Variants in CEACAM18 observed in about 807,000 individuals in gnomAD.
CEACAM18 encodes CEA cell adhesion molecule 18.
A neutral mutation model predicts 34.3 loss-of-function variants in CEACAM18; 33 were observed. The observed-to-expected ratio is 0.96, with a 90% CI of 0.73 to 1.29. The LOEUF is 1.29. Ranked by LOEUF, CEACAM18 falls within the 50% of genes most tolerant of loss-of-function variation. The pLI is 0.00. For synonymous variants in CEACAM18, 169 were observed against 180.9 expected (o/e 0.93, Z 0.53); for missense variants, 474 against 485.0 (o/e 0.98, Z 0.21).
At chr19:51,488,416 C>T (rs1990038344) in intron 5 of CEACAM18, among the ~76,000 whole-genome samples, 2 of 152,200 alleles carry the variant, frequency 1.3e-5, no homozygotes, top group South Asian at 2.1e-4. Context: ...CCATTTTACA[C>T]ATAGCAAGTA....
chr19:51,478,735 G>A, intron 1 of CEACAM18, 41 bp downstream of exon 1: 1 of 1,329,224 alleles, frequency 7.5e-7, no homozygotes. Context: ...CCAGGACTGA[G>A]GGAAGGGCAG....
chr19:51,486,055 G>T (rs541905483), intron 5 of CEACAM18, among the ~76,000 whole-genome samples: 7 of 152,162 alleles, frequency 4.6e-5, no homozygotes, highest in African/African-American at 1.7e-4. Context: ...ATTATAGTGG[G>T]AATGGCAATG....
At chr19:51,484,954 T>C (rs1989975466) in intron 4 of CEACAM18, 33 bp from the exon 5 acceptor site, 8 of 1,535,718 alleles carry the variant, frequency 5.2e-6, no homozygotes, top group Non-Finnish European at 6.1e-6. Context: ...GGGTCAATCG[T>C]GGTCCTGACC....
At chr19:51,482,546 G>C (rs1318064008) in intron 3 of CEACAM18, among the ~76,000 whole-genome samples, 1 of 152,166 alleles carries the variant, frequency 6.6e-6, no homozygotes, top group Non-Finnish European at 1.5e-5. Flanking sequence ...GGATCCAGAG[G>C]CTGCAGCTGC....
At chr19:51,481,748 G>A in intron 3 of CEACAM18, 83 bp downstream of exon 3, 5 of 1,423,944 alleles carry the variant, frequency 3.5e-6, no homozygotes, top group Non-Finnish European at 4.7e-6. Flanking sequence ...GACAGGCTGA[G>A]CTGGAGAGAG....
chr19:51,487,978 A>G (rs182552039), intron 5 of CEACAM18, among the ~76,000 whole-genome samples: 1 of 152,314 alleles, frequency 6.6e-6, no homozygotes, highest in Non-Finnish European at 1.5e-5. Context: ...CATTGCCAAA[A>G]GTTCTACCGG....
chr19:51,486,723 C>CTT (rs201510643), intron 5 of CEACAM18, among the ~76,000 whole-genome samples: 2 of 135,410 alleles, frequency 1.5e-5, no homozygotes, highest in Admixed American at 7.4e-5. Flanking sequence ...TCTTTTCTTT[C>CTT]TTTTTTTTTT....
intron 5 of CEACAM18, among the ~76,000 whole-genome samples, chr19:51,490,329 G>C (rs1483797241): frequency 6.6e-6 from 1 of 152,024 alleles, no homozygotes; most frequent in East Asian, 1.9e-4. Context: ...TCCTTCCTCA[G>C]CTTCACCCGG....
chr19:51,490,230 G>A (rs1990068589), intron 5 of CEACAM18, among the ~76,000 whole-genome samples: 1 of 152,174 alleles, frequency 6.6e-6, no homozygotes, highest in Admixed American at 6.5e-5. Flanking sequence ...ATAAGTTATA[G>A]TGCCTGGCAT....
At chr19:51,483,254 A>G (rs1388258416) in exon 4 of CEACAM18, 1 of 1,614,044 alleles carries the variant, frequency 6.2e-7, no homozygotes, top group South Asian at 1.1e-5. Context: ...CCCGTGACAC[A>G]GCTGATCATG....
chr19:51,489,456 C>A (rs748060063), intron 5 of CEACAM18, among the ~76,000 whole-genome samples: 6 of 151,994 alleles, frequency 3.9e-5, no homozygotes, highest in African/African-American at 1.5e-4. Flanking sequence ...CCAAAAGGCA[C>A]AGGAGTGGCA....
chr19:51,481,492 C>T (rs773424065), exon 3 of CEACAM18: 14 of 1,613,970 alleles, frequency 8.7e-6, no homozygotes, highest in Admixed American at 5.0e-5. Context: ...ACCAACATCA[C>T]GTGGTATGTG....
chr19:51,479,758 G>A (rs1245475901), intron 1 of CEACAM18, among the ~76,000 whole-genome samples: 3 of 152,206 alleles, frequency 2.0e-5, no homozygotes, highest in Admixed American at 1.3e-4. Context: ...CAGCGTGTGC[G>A]AAGCCTGGAG....
At chr19:51,480,726 A>C (rs1313332921) in intron 2 of CEACAM18, 46 bp downstream of exon 2, 1 of 1,515,426 alleles carries the variant, frequency 6.6e-7, no homozygotes. Context: ...GGAGAGCTAG[A>C]TGTGACACAT....
At chr19:51,481,400 A>G (rs763086161) in exon 3 of CEACAM18, 3 of 1,613,644 alleles carry the variant, frequency 1.9e-6, no homozygotes, top group Non-Finnish European at 2.5e-6. Context: ...CAGAGTTGGG[A>G]AGCAATCTGG....
At chr19:51,482,638 C>T (rs531651782) in intron 3 of CEACAM18, among the ~76,000 whole-genome samples, 73 of 152,314 alleles carry the variant, frequency 4.8e-4, no homozygotes, top group South Asian at 4.4e-3. Context: ...TCCTCTCCTC[C>T]GAGCCTCATT....
chr19:51,480,179 C>T (rs975694582), intron 1 of CEACAM18, among the ~76,000 whole-genome samples, 154 bp from the exon 2 acceptor site: 1 of 152,142 alleles, frequency 6.6e-6, no homozygotes, highest in Non-Finnish European at 1.5e-5. Context: ...CAGGAGGGGA[C>T]AAGCTGGGGA....
At chr19:51,484,274 C>T (rs957145300) in intron 4 of CEACAM18, among the ~76,000 whole-genome samples, 6 of 151,946 alleles carry the variant, frequency 3.9e-5, no homozygotes, top group Admixed American at 1.3e-4. Context: ...ACATTTTTCT[C>T]TTCCCCTGGA....
intron 4 of CEACAM18, 83 bp downstream of exon 4, chr19:51,483,379 G>A (rs1193643395): frequency 1.3e-6 from 2 of 1,514,456 alleles, no homozygotes; most frequent in Non-Finnish European, 1.8e-6. Flanking sequence ...CCTCAGGAGT[G>A]CCACCTCCAC....
Sources: gnomAD v4.1 joint callset for allele counts (sites outside exome capture counted in the v4.1 genomes callset) on GRCh38, gnomAD v4.1.1 for gene constraint, MANE v1.5 for transcripts, NCBI Gene and HGNC (gene_info 2026-07-23, HGNC 2026-07-21) for gene names.